Variants in AATF observed in about 807,000 individuals in gnomAD.
AATF encodes the protein protein AATF.
AATF carries 48 observed loss-of-function variants against 63.7 expected under a neutral mutation model. The ratio of observed to expected loss-of-function variants is 0.75; its 90% confidence interval spans 0.60 to 0.96. The LOEUF (loss-of-function observed/expected upper bound fraction) is 0.96, where lower values mean the gene tolerates loss of function less well. AATF is among the 40% of genes least tolerant of loss of function. The pLI is 0.00. For missense variants in AATF, 639 were observed against 685.7 expected (o/e 0.93, Z 0.76); for synonymous variants, 258 against 247.7 (o/e 1.04, Z -0.39).
At chr17:37,041,118 C>T (rs770243481) in intron 11 of AATF, among the ~76,000 whole-genome samples, 1 of 152,222 alleles carries the variant, frequency 6.6e-6, no homozygotes, top group South Asian at 2.1e-4. Context: ...AATACTTTTA[C>T]ATGTTTTCTT....
intron 8 of AATF, among the ~76,000 whole-genome samples, chr17:36,994,389 T>C (rs947913065): frequency 6.6e-6 from 1 of 152,236 alleles, no homozygotes; most frequent in Non-Finnish European, 1.5e-5. Context: ...TTTATTGAGC[T>C]TTTGTTACTT....
At chr17:36,988,249 G>A (rs2071184213) in intron 5 of AATF, among the ~76,000 whole-genome samples, 2 of 152,130 alleles carry the variant, frequency 1.3e-5, no homozygotes, top group Admixed American at 1.3e-4. Context: ...CCCAGAAGTG[G>A]AGGTTGCAGT....
chr17:37,021,804 C>CAAAA (rs1246008885), intron 10 of AATF, among the ~76,000 whole-genome samples: 2 of 91,544 alleles, frequency 2.2e-5, no homozygotes, highest in African/African-American at 5.4e-5. Flanking sequence ...GACTCCGTCT[C>CAAAA]AAAAAAAAAA....
intron 8 of AATF, among the ~76,000 whole-genome samples, chr17:37,004,512 T>A (rs769265313): frequency 6.6e-6 from 1 of 151,988 alleles, no homozygotes; most frequent in Non-Finnish European, 1.5e-5. Context: ...TAAAAATGGA[T>A]GTTGCAGGAA....
intron 8 of AATF, among the ~76,000 whole-genome samples, chr17:37,015,556 C>T (rs569147422): frequency 1.3e-5 from 2 of 152,192 alleles, no homozygotes; most frequent in African/African-American, 4.8e-5. Flanking sequence ...ATCCCATCCA[C>T]GAGGGCAGAG....
At chr17:36,990,939 G>A in intron 8 of AATF, 82 bp downstream of exon 8, 1 of 1,050,546 alleles carries the variant, frequency 9.5e-7, no homozygotes, top group Non-Finnish European at 1.4e-6. Context: ...CAAAGAAGTT[G>A]CTTATTTTGG....
intron 10 of AATF, among the ~76,000 whole-genome samples, chr17:37,023,783 G>A (rs967704913): frequency 2.0e-5 from 3 of 152,024 alleles, no homozygotes; most frequent in Non-Finnish European, 4.4e-5. Flanking sequence ...CCCTCAGGGA[G>A]CATACACAGT....
chr17:36,951,210 A>G (rs1304459098), intron 2 of AATF, among the ~76,000 whole-genome samples: 1 of 152,206 alleles, frequency 6.6e-6, no homozygotes, highest in African/African-American at 2.4e-5. Flanking sequence ...TTGAGAATCC[A>G]CAGATAATAT....
At position 37,025,441 on chromosome 17, in the gene AATF, G is replaced by A. The variant is rs77161352; in HGVS notation, c.1547+4427G>A. Among the ~76,000 whole-genome samples, 157 of 152,278 alleles carry A rather than the reference G, an allele frequency of 1.0e-3. 1 individual carries two copies. The highest frequency in any genetic ancestry group is 3.6e-3 in the African/African-American group (151 of 41,558). ...AGAATCCTGAAGAATGTCAACATAC[G>A]TGAGCTAGAGTAAGAGGAGCCCATA... On this transcript the variant is annotated intron_variant, in intron 10 of 11. Coordinates refer to ENST00000619387, the MANE Select transcript of AATF (RefSeq NM_012138.4).
At chr17:37,008,119 T>C (rs2071356037) in intron 8 of AATF, among the ~76,000 whole-genome samples, 1 of 152,238 alleles carries the variant, frequency 6.6e-6, no homozygotes, top group African/African-American at 2.4e-5. Context: ...TGTTGCTTGT[T>C]AGCAGCTGTG....
chr17:36,986,946 A>C (rs563735637), intron 5 of AATF, among the ~76,000 whole-genome samples: 93 of 152,290 alleles, frequency 6.1e-4, no homozygotes, highest in African/African-American at 2.0e-3. Flanking sequence ...GGTCTTAGAC[A>C]AAGGCTTGCC....
chr17:37,009,851 C>A lies in AATF; in HGVS notation c.1399-9154C>A, dbSNP rs1056057175. Among the ~76,000 whole-genome samples the A allele has an allele frequency of 1.9e-3, 188 of 97,036 alleles. 1 individual carries two copies. The highest frequency in any genetic ancestry group is 2.1e-3 in the African/African-American group (43 of 20,842). The allele number at this position is 97,036 out of a possible 152,430, so 63.7% of individuals were successfully genotyped here. A position where few individuals can be genotyped will look rare whatever the true frequency, so the allele number is the denominator to read the frequency against. ...AAAAAAAAAAAAAAAAAAAAAAAAA[C>A]CATGCAGATTTGTTGAATAGACCAG... On this transcript the variant is annotated intron_variant, in intron 8 of 11. Transcript: ENST00000619387.
intron 11 of AATF, among the ~76,000 whole-genome samples, chr17:37,039,689 G>A (rs950929774): frequency 3.3e-5 from 5 of 152,114 alleles, no homozygotes; most frequent in Non-Finnish European, 5.9e-5. Flanking sequence ...GCCTTCTTTC[G>A]CCAGTAATGT....
chr17:37,020,207 G>C (rs1339622620), intron 9 of AATF, among the ~76,000 whole-genome samples: 2 of 151,848 alleles, frequency 1.3e-5, no homozygotes, highest in African/African-American at 4.8e-5. Context: ...TTTGGATTCT[G>C]ATCCAAACAA....
chr17:36,950,690 G>T (rs1195051012), intron 2 of AATF, among the ~76,000 whole-genome samples: 1 of 152,110 alleles, frequency 6.6e-6, no homozygotes, highest in Non-Finnish European at 1.5e-5. Context: ...GTAGAGACGG[G>T]GTTTGTCCAT....
At chr17:36,954,559 T>G (rs576847792) in intron 4 of AATF, among the ~76,000 whole-genome samples, 1 of 152,224 alleles carries the variant, frequency 6.6e-6, no homozygotes, top group African/African-American at 2.4e-5. Flanking sequence ...TTTATATCTT[T>G]CTTTGAGTGA....
chr17:37,018,974 A>C lies in AATF; in HGVS notation c.1399-31A>C, dbSNP rs1383458675. ...AAGTCAGTTGTACTGGAAGATGATA[A>C]ATAAATTCGTTGCTTTCCTTTTTCC... On this transcript the variant is annotated intron_variant, in intron 8 of 11. Transcript: ENST00000619387. 2.5e-6 allele frequency: 4 copies of C among 1,595,010 alleles called. No homozygotes were observed. In the East Asian group the frequency reaches 8.9e-5, roughly 36 times the overall value.
At chr17:36,990,983 G>GC (rs1366046986) in intron 8 of AATF, 126 bp downstream of exon 8, 1 of 575,188 alleles carries the variant, frequency 1.7e-6, no homozygotes, top group Non-Finnish European at 2.9e-6. Flanking sequence ...TAGAACTCCC[G>GC]CGTTCAAAAT....
At chr17:36,971,828 T>G (rs1366590229) in intron 4 of AATF, among the ~76,000 whole-genome samples, 3 of 152,248 alleles carry the variant, frequency 2.0e-5, no homozygotes, top group African/African-American at 7.2e-5. Context: ...ATTCCATTTA[T>G]ATGACATTCT....
Sources: allele counts gnomAD v4.1 joint callset (sites outside exome capture counted in the v4.1 genomes callset), GRCh38; gene constraint gnomAD v4.1.1; transcripts MANE v1.5; gene names NCBI Gene and HGNC (gene_info 2026-07-23, HGNC 2026-07-21).